Variants in FLT4 observed in about 807,000 individuals in gnomAD.
FLT4 encodes fms related receptor tyrosine kinase 4, also known as vascular endothelial growth factor receptor 3.
A neutral mutation model predicts 163.2 loss-of-function variants in FLT4; 30 were observed. That is an observed-to-expected ratio of 0.18 (90% CI 0.14 to 0.25). The LOEUF (loss-of-function observed/expected upper bound fraction) is 0.25. Among genes scored for constraint, FLT4 ranks in the 10% least tolerant of loss-of-function variants. The pLI is 1.00. For missense variants in FLT4, 1,510 were observed against 1,863.8 expected (o/e 0.81, Z 3.50); for synonymous variants, 884 against 789.5 (o/e 1.12, Z -2.01).
intron 10 of FLT4, among the ~76,000 whole-genome samples, chr5:180,624,729 G>A (rs554369182): frequency 2.6e-5 from 4 of 152,314 alleles, no homozygotes; most frequent in South Asian, 2.1e-4. Context: ...TGCTGCCCCC[G>A]GAGGCATCTC....
Position 180,631,674 on chromosome 5 carries a change from C to T in FLT4, c.155+8G>A. 6.2e-7 allele frequency: 1 copy of T among 1,603,570 alleles called. No individual in the cohort carries two copies. The highest frequency in any genetic ancestry group is 8.5e-7 in the Non-Finnish European group (1 of 1,174,932). On this transcript the variant is annotated splice_region_variant and intron_variant, in intron 2 of 29. Transcript: ENST00000261937. Reference sequence around the variant, plus strand: ...CTCTGGCCTGCCAGTGGGAGAGGGACCCAGTACCTGCAGGAGATGGACAGG... The same window carrying T: ...CTCTGGCCTGCCAGTGGGAGAGGGATCCAGTACCTGCAGGAGATGGACAGG...
At chr5:180,626,816 C>T (rs756886697) in intron 8 of FLT4, among the ~76,000 whole-genome samples, 52 of 152,160 alleles carry the variant, frequency 3.4e-4, no homozygotes, top group Non-Finnish European at 7.1e-4. Context: ...GCTGCCCACA[C>T]CCCGCCCCCA....
At chr5:180,649,995 G>C (rs1765663910), upstream of FLT4, among the ~76,000 whole-genome samples, 1 of 151,854 alleles carries the variant, frequency 6.6e-6, no homozygotes, top group South Asian at 2.1e-4. Context: ...CGTAACATAG[G>C]GAGACCCAGT....
At position 180,603,311 on chromosome 5, in the gene FLT4, C is replaced by T. The variant is rs751807653; in HGVS notation, c.3973G>A (p.Gly1325Arg). ...TAAAACACCTGGCCTCCTCGGGCCC[C>T]CCGCTCAGGCCGCCGCCGCCTCCCT... ...SQGRRRRPER[G>R]ARGGQVFYNS... Residue 1325 changes from glycine (G) to arginine (R), a missense_variant, in exon 30 of 30, where the codon GGG becomes AGG. This residue lies in a region of FLT4 where 295 missense variants were observed against 311.0 expected (regional missense o/e 0.95). Transcript: ENST00000261937. 1.9e-6 allele frequency: 3 copies of T among 1,613,904 alleles called. No individual in the cohort carries two copies. Among genetic ancestry groups the T allele is most frequent in the Non-Finnish European group, 2.5e-6 (3 of 1,179,984 alleles).
chr5:180,619,615 C>T, intron 18 of FLT4, 50 bp downstream of exon 18: 1 of 1,449,126 alleles, frequency 6.9e-7, no homozygotes, highest in Non-Finnish European at 9.7e-7. Context: ...CCACCCCGAG[C>T]TGCTGCTCCT....
intron 1 of FLT4, among the ~76,000 whole-genome samples, chr5:180,640,751 G>A (rs112160445): frequency 0.015 from 2,343 of 152,314 alleles, 24 homozygotes; most frequent in Middle Eastern, 0.024. Context: ...CTCCACACCT[G>A]CGTGTCCTGC....
In FLT4 at chr5:180,621,823, G is replaced by A. The variant is rs2127817600; in HGVS notation, c.1739C>T (p.Ala580Val). The A allele has an allele frequency of 6.2e-7, 1 of 1,613,302 alleles. No individual in the cohort carries two copies. Among genetic ancestry groups the A allele is most frequent in the Non-Finnish European group, 8.5e-7 (1 of 1,179,936 alleles). ...CAGATGCTCGTACTTGTAGCTGTCG[G>A]CTTGGCAGCTCAGGAGCACCGGCTG... ...EGQPVLLSCQADSYKYEHLRW... is the reference protein window; with the variant it reads ...EGQPVLLSCQVDSYKYEHLRW... The change falls in exon 13 of 30, where the codon GCC becomes GTC. Residue 580 changes from alanine (A) to valine (V), a missense_variant. This residue lies in a region of FLT4 where 878 missense variants were observed against 1,016.7 expected (regional missense o/e 0.86). Transcript: ENST00000261937.
At chr5:180,606,337 G>A (rs565786588) in intron 29 of FLT4, among the ~76,000 whole-genome samples, 10 of 152,268 alleles carry the variant, frequency 6.6e-5, no homozygotes, top group Non-Finnish European at 8.8e-5. Flanking sequence ...CCAGTGCCTC[G>A]GGCTTGGCAA....
rs894222750 is a variant in FLT4 at position 180,626,130 on chromosome 5, G to A, written c.1239C>T (p.Ser413=). The part of the protein sequence containing the change: ...NSAAGLRRNI[S]LELVVNVPPQ... Reference sequence around the variant, plus strand: ...ACCTACCATTCACCACCAGCTCCAGGCTGATGTTGCGCCTCAGGCCAGCAG... The same window carrying A: ...ACCTACCATTCACCACCAGCTCCAGACTGATGTTGCGCCTCAGGCCAGCAG... Residue 413 remains serine (S), a synonymous_variant, in exon 9 of 30, where the codon AGC becomes AGT. Transcript: ENST00000261937. 2.5e-6 allele frequency: 4 copies of A among 1,612,728 alleles called. No individual in the cohort carries two copies. The African/African-American group carries it at 4.0e-5, about 16-fold the overall frequency.
At chr5:180,621,476 G>C in intron 13 of FLT4, 66 bp downstream of exon 13, 5 of 1,586,432 alleles carry the variant, frequency 3.2e-6, no homozygotes, top group Non-Finnish European at 4.3e-6. Context: ...GCCACGCCGG[G>C]GCAAAGGCAG....
chr5:180,604,669 TCA>T (rs1319397801), intron 29 of FLT4, among the ~76,000 whole-genome samples: 4 of 152,206 alleles, frequency 2.6e-5, no homozygotes, highest in Non-Finnish European at 5.9e-5. Context: ...CCTCAAGCGC[TCA>T]CTTTCTTTGC....
intron 13 of FLT4, 138 bp from the exon 14 acceptor site, chr5:180,621,390 C>T: frequency 1.4e-6 from 2 of 1,406,298 alleles, no homozygotes; most frequent in Non-Finnish European, 1.9e-6. Context: ...CGCGGCGCGC[C>T]TCCGCAGGGG....
intron 1 of FLT4, among the ~76,000 whole-genome samples, chr5:180,638,287 C>T (rs1436732705): frequency 6.6e-6 from 1 of 152,192 alleles, no homozygotes; most frequent in Non-Finnish European, 1.5e-5. Flanking sequence ...AAACTGCAGA[C>T]GTGCACCCCC....
chr5:180,630,600 G>A lies in FLT4; in HGVS notation c.355C>T (p.Arg119Cys), dbSNP rs1267101992. The change falls in exon 3 of 30, where the codon CGC becomes TGC. Residue 119 changes from arginine (R) to cysteine (C), a missense_variant. Physicochemically the swap from Arg to Cys is radical, Grantham distance 180. This residue lies in a region of FLT4 where 157 missense variants were observed against 178.7 expected (regional missense o/e 0.88). Coordinates refer to ENST00000261937, the MANE Select transcript of FLT4 (RefSeq NM_182925.5). This position sits in a 1 kb window ranked among gnomAD's most constrained non-coding sequence, Gnocchi z 6.3. Reference sequence around the variant, plus strand: ...CTGGCGGCCGTGGTGCCCTCGATGCGTGCCTTGATGTACTTGTAGTAGCAG... The same window carrying A: ...CTGGCGGCCGTGGTGCCCTCGATGCATGCCTTGATGTACTTGTAGTAGCAG... ...YVCYYKYIKA[R>C]IEGTTAASSY... is the part of the protein sequence containing the mutation. 2 of 1,612,950 alleles carry A rather than the reference G, an allele frequency of 1.2e-6. No individual in the cohort carries two copies. The highest frequency in any genetic ancestry group is 1.7e-6 in the Non-Finnish European group (2 of 1,179,992).
chr5:180,642,547 G>A lies in FLT4; in HGVS notation c.58+6941C>T, dbSNP rs954927275. 3.3e-5 allele frequency among the ~76,000 whole-genome samples: 5 copies of A among 152,232 alleles called. 1 individual carries two copies. Among genetic ancestry groups the A allele is most frequent in the Admixed American group, 3.3e-4 (5 of 15,294 alleles). ...GCCGGCCTCGGGCCCTGTCCTGCTC[G>A]CTGGATGTACTCTCTCTCTCGATGG... is the stretch of plus-strand genomic sequence containing the variant. On this transcript the variant is annotated intron_variant, in intron 1 of 29. Transcript: ENST00000261937.
rs749735045 is a variant in FLT4, at chr5:180,624,069, G to C, written c.1422-8C>G. ...TGCTGCTGCCGCCGCCGGCTGCCAG[G>C]ACCAGAAGAGGCAAGGGCAGGTCAG... is the stretch of plus-strand genomic sequence containing the variant. On this transcript the variant is annotated splice_polypyrimidine_tract_variant and splice_region_variant and intron_variant, in intron 10 of 29. Transcript: ENST00000261937. The C allele has an allele frequency of 6.2e-7, 1 of 1,611,002 alleles. No homozygotes were observed. The highest frequency in any genetic ancestry group is 8.5e-7 in the Non-Finnish European group (1 of 1,179,916).
intron 26 of FLT4, chr5:180,611,720 T>C: frequency 1.7e-6 from 1 of 588,656 alleles, no homozygotes; most frequent in Non-Finnish European, 3.0e-6. Flanking sequence ...ACGTGAGTGC[T>C]CCACAGAGGA....
Position 180,603,115 on chromosome 5 carries a change from C to T in FLT4, c.*77G>A. On this transcript the variant is annotated 3_prime_UTR_variant, in exon 30 of 30. Transcript: ENST00000261937. ...CACCAGAGTTCAACCAGATGAGTTCCCAGCCTGGGCCTCCAGCCCTCTGCC... is the reference window on the plus strand; with the variant it reads ...CACCAGAGTTCAACCAGATGAGTTCTCAGCCTGGGCCTCCAGCCCTCTGCC... 1 of 1,443,210 alleles carries T rather than the reference C, an allele frequency of 6.9e-7. No homozygotes were observed. The allele number at this position is 1,443,210 out of a possible 1,614,324, so 89.4% of individuals were successfully genotyped here.
chr5:180,639,195 A>G (rs182431212), intron 1 of FLT4, among the ~76,000 whole-genome samples: 1 of 80,200 alleles, frequency 1.2e-5, no homozygotes, highest in Non-Finnish European at 2.8e-5. Flanking sequence ...GGATGGACAG[A>G]CAGATGAATG....
Sources: gnomAD v4.1 joint callset for allele counts (sites outside exome capture counted in the v4.1 genomes callset) on GRCh38, gnomAD v4.1.1 for gene constraint, gnomAD v4.1.1 regional missense constraint, Gnocchi (gnomAD v3.1) non-coding constraint, MANE v1.5 for transcripts, NCBI Gene and HGNC (gene_info 2026-07-23, HGNC 2026-07-21) for gene names.